The following MBD6 variants were observed in gnomAD, a reference collection of about 807,000 sequenced individuals.
MBD6 encodes the protein methyl-CpG binding domain protein 6.
MBD6 carries 22 observed loss-of-function variants against 66.8 expected under a neutral mutation model. That is an observed-to-expected ratio of 0.33 (90% CI 0.24 to 0.47). MBD6 has a LOEUF of 0.47. Among genes scored for constraint, MBD6 ranks in the 20% least tolerant of loss-of-function variants. The pLI, the probability that MBD6 is intolerant of heterozygous loss-of-function variation, is 1.00. For synonymous variants in MBD6, 540 were observed against 534.6 expected (o/e 1.01, Z -0.14); for missense variants, 1,322 against 1,286.9 (o/e 1.03, Z -0.42).
rs1198751915 is a variant in MBD6 at position 57,528,406 on chromosome 12, T to A, written c.2666T>A (p.Leu889Gln). The A allele has an allele frequency of 8.7e-6, 14 of 1,612,994 alleles. No homozygotes were observed. Among genetic ancestry groups the A allele is most frequent in the Non-Finnish European group, 1.2e-5 (14 of 1,179,900 alleles). Residue 889 changes from leucine to glutamine, a missense_variant, in exon 10 of 13, where the codon CTG (leucine) becomes CAG (glutamine). Coordinates refer to ENST00000355673, the MANE Select transcript of MBD6 (RefSeq NM_052897.4). ...KPGSRREPGRLALKWGTRGGF... is the reference protein window; with the variant it reads ...KPGSRREPGRQALKWGTRGGF... Reference sequence around the variant, plus strand: ...GGCAGCCGGCGGGAGCCTGGCCGACTGGCCCTCAAATGGGGGACACGTGGT... The same window carrying A: ...GGCAGCCGGCGGGAGCCTGGCCGACAGGCCCTCAAATGGGGGACACGTGGT...
At position 57,525,081 on chromosome 12, in the gene MBD6, C is replaced by T. The variant is rs1366122237; in HGVS notation, c.345C>T (p.Arg115=). The T allele has an allele frequency of 1.2e-6, 2 of 1,611,896 alleles. No homozygotes were observed. The highest frequency in any genetic ancestry group is 3.4e-5 in the Admixed American group (2 of 59,302). The change falls in exon 5 of 13, where the codon CGC becomes CGT. Residue 115 remains arginine (R), a synonymous_variant. Coordinates refer to ENST00000355673, the MANE Select transcript of MBD6 (RefSeq NM_052897.4). ...RKAVAMATLY[R]SMETTCSHSS... ...CTGTTGCTATGGCAACTCTGTACCG[C>T]AGCATGGAGACCACCTGCTCACACT...
In MBD6 at chr12:57,529,431, A is replaced by ACCC. The variant is rs1459762262; in HGVS notation, c.*202_*204dup. Reference sequence around the variant, plus strand: ...GCAGGGAAGTTCACCCCCCCCCACCACCCCCCCGCCCCCCCGAAGCCATGT... The same window carrying ACCC: ...GCAGGGAAGTTCACCCCCCCCCACCACCCCCCCCCCGCCCCCCCGAAGCCATGT... On this transcript the variant is annotated 3_prime_UTR_variant, in exon 13 of 13. Transcript: ENST00000355673. The ACCC allele has an allele frequency of 2.0e-5, 8 of 394,984 alleles. No individual in the cohort carries two copies. Among genetic ancestry groups the ACCC allele is most frequent in the Admixed American group, 8.3e-5 (2 of 23,966 alleles). 24.5% of individuals were successfully genotyped at this position (394,984 alleles called of 1,614,324 possible). A position where few individuals can be genotyped will look rare whatever the true frequency, so the allele number is the denominator to read the frequency against.
intron 7 of MBD6, 96 bp downstream of exon 7, chr12:57,527,323 C>A: frequency 9.0e-7 from 1 of 1,106,396 alleles, no homozygotes; most frequent in Non-Finnish European, 1.3e-6. Context: ...CTGAGCTCTT[C>A]CTTGGGGCCT....
chr12:57,528,675 G>A lies in MBD6; in HGVS notation c.2830G>A (p.Gly944Arg). ...PHSEDLKVPP[G>R]VVRKSRRGRR... ...GTCCATCTTTTCTCAGGTGCCCCCG[G>A]GAGTAGTCAGAAAGTCTCGTCGTGG... Residue 944 changes from glycine to arginine, a missense_variant, in exon 11 of 13, where the codon GGA becomes AGA. Physicochemically the swap from Gly to Arg is moderately radical, Grantham distance 125. Transcript: ENST00000355673. 6.2e-7 allele frequency: 1 copy of A among 1,614,136 alleles called. No homozygotes were observed. Among genetic ancestry groups the A allele is most frequent in the Non-Finnish European group, 8.5e-7 (1 of 1,180,022 alleles).
downstream of MBD6, chr12:57,530,576 G>C (rs1476283103): frequency 3.3e-6 from 3 of 911,902 alleles, no homozygotes; most frequent in South Asian, 4.8e-5. Context: ...CTTGCCCCCA[G>C]TGTCAAATGG....
chr12:57,528,162 C>T lies in MBD6; in HGVS notation c.2422C>T (p.Pro808Ser). ...LQSLQIPPEQPEAPCLPPESP... is the reference protein window; with the variant it reads ...LQSLQIPPEQSEAPCLPPESP... The stretch of plus-strand genomic sequence containing the variant: ...TTGCCAGCAGATCCCTCCAGAGCAG[C>T]CAGAAGCCCCCTGTCTACCCCCCGA... The change falls in exon 10 of 13, where the codon CCA becomes TCA. Residue 808 changes from proline to serine, a missense_variant. Coordinates refer to ENST00000355673, the MANE Select transcript of MBD6 (RefSeq NM_052897.4). The T allele has an allele frequency of 6.2e-7, 1 of 1,604,558 alleles. No homozygotes were observed. The highest frequency in any genetic ancestry group is 8.5e-7 in the Non-Finnish European group (1 of 1,176,968).
In MBD6 at chr12:57,527,829, G is replaced by T. The variant is rs758238626; in HGVS notation, c.2237-19G>T. 6.8e-6 allele frequency: 11 copies of T among 1,611,696 alleles called. No homozygotes were observed. The East Asian group carries it at 2.2e-4, about 33-fold the overall frequency. On this transcript the variant is annotated intron_variant, in intron 8 of 12. Transcript: ENST00000355673. ...TTGGTTTGCCTAGGGAGAGACCCCT[G>T]ACTATAATTTCTCAACAGGTGACCT... is the stretch of plus-strand genomic sequence containing the variant.
Position 57,524,766 on chromosome 12 carries a change from C to G in MBD6, c.160C>G (p.Leu54Val). ...LSSLEQTRSYLLSDGTCKCGL... is the reference protein window; with the variant it reads ...LSSLEQTRSYVLSDGTCKCGL... ...TTCCTTGGAGCAAACCCGGAGCTAC[C>G]TCCTCAGCGATGGGACCTGCAAGTG... Residue 54 changes from leucine (L) to valine (V), a missense_variant, in exon 4 of 13, where the codon CTC becomes GTC. Physicochemically the swap from Leu to Val is conservative, Grantham distance 32 (BLOSUM62 1). Transcript: ENST00000355673. 1 of 1,614,216 alleles carries G rather than the reference C, an allele frequency of 6.2e-7. No individual in the cohort carries two copies. Among genetic ancestry groups the G allele is most frequent in the East Asian group, 2.2e-5 (1 of 44,892 alleles).
upstream of MBD6, chr12:57,521,784 C>T (rs1288182078): frequency 4.6e-5 from 7 of 152,296 alleles, no homozygotes; most frequent in African/African-American, 1.7e-4. Context: ...CGGCACAGGC[C>T]TGCCTCCTAG....
chr12:57,526,912 A>G lies in MBD6; in HGVS notation c.1767A>G (p.Pro589=). ...GAGGACCTGGTCCTCCCCTAGCCCC[A>G]GGAGAGCCTGAAGGGCCTTCGCTTT... is the stretch of plus-strand genomic sequence containing the variant. ...PPGGPGPPLA[P]GEPEGPSLLV... is the part of the protein sequence containing the mutation. The change falls in exon 7 of 13, where the codon CCA becomes CCG. Residue 589 remains proline (P), a synonymous_variant. Transcript: ENST00000355673. 6.2e-7 allele frequency: 1 copy of G among 1,608,118 alleles called. No individual in the cohort carries two copies. Among genetic ancestry groups the G allele is most frequent in the Non-Finnish European group, 8.5e-7 (1 of 1,178,484 alleles).
intron 8 of MBD6, 23 bp from the exon 9 acceptor site, chr12:57,527,825 C>T (rs200254163): frequency 3.2e-5 from 51 of 1,610,898 alleles, no homozygotes; most frequent in Admixed American, 1.8e-4. Flanking sequence ...AGGGAGAGAC[C>T]CCTGACTATA....
In MBD6 at chr12:57,529,419, C is replaced by CT. The variant is rs1286872370; in HGVS notation, c.*185_*186insT. On this transcript the variant is annotated 3_prime_UTR_variant, in exon 13 of 13. Transcript: ENST00000355673. ...CCATTGCAGGGGGCAGGGAAGTTCA[C>CT]CCCCCCCCACCACCCCCCCGCCCCC... 8.1e-5 allele frequency: 28 copies of CT among 347,358 alleles called. No individual in the cohort carries two copies. The highest frequency in any genetic ancestry group is 1.3e-4 in the Non-Finnish European group (25 of 195,364). The allele number at this position is 347,358 out of a possible 1,614,324, so 21.5% of individuals were successfully genotyped here.
chr12:57,528,767 G>A (rs1879285002), intron 11 of MBD6, 49 bp downstream of exon 11: 9 of 1,612,214 alleles, frequency 5.6e-6, no homozygotes, highest in Admixed American at 1.7e-5. Context: ...CTTCTTTTTG[G>A]TTTGGACAGT....
intron 5 of MBD6, 49 bp from the exon 6 acceptor site, chr12:57,525,299 T>C: frequency 2.6e-6 from 4 of 1,529,128 alleles, no homozygotes; most frequent in Non-Finnish European, 3.5e-6. Context: ...ACAAAAGAGT[T>C]TTTGGAAGGG....
chr12:57,522,561 CG>C (rs577231876), upstream of MBD6, among the ~76,000 whole-genome samples: 3 of 98,692 alleles, frequency 3.0e-5, no homozygotes, highest in Non-Finnish European at 6.3e-5. Context: ...CCGCGGAGGG[CG>C]GGGGGGCCGC....
Position 57,527,118 on chromosome 12 carries a change from A to T in MBD6, c.1973A>T (p.Asp658Val). 1 of 1,579,010 alleles carries T rather than the reference A, an allele frequency of 6.3e-7. No individual in the cohort carries two copies. The highest frequency in any genetic ancestry group is 8.6e-7 in the Non-Finnish European group (1 of 1,160,892). The change falls in exon 7 of 13, where the codon GAC becomes GTC. Residue 658 changes from aspartate to valine, a missense_variant. Asp to Val is a radical substitution (Grantham distance 152). Transcript: ENST00000355673. The part of the protein sequence containing the change: ...PSGEPFSGLG[D>V]LSPLLFPPLS... The stretch of plus-strand genomic sequence containing the variant: ...GGGGAGCCATTTTCAGGCTTGGGAG[A>T]CCTGTCCCCCCTACTTTTCCCCCCA...
At chr12:57,524,519 C>T (rs1043173673) in intron 3 of MBD6, 103 bp downstream of exon 3, 5 of 1,141,172 alleles carry the variant, frequency 4.4e-6, no homozygotes, top group South Asian at 1.3e-5. Flanking sequence ...CGATTGCTCT[C>T]CTCTCTTCCC....
In MBD6 at chr12:57,528,259, C is replaced by A; in HGVS notation, c.2519C>A (p.Ser840Tyr). Residue 840 changes from serine to tyrosine, a missense_variant, in exon 10 of 13, where the codon TCT becomes TAT. Ser to Tyr is a moderately radical substitution (Grantham distance 144, BLOSUM62 -2). Transcript: ENST00000355673. ...PLSALAPPHG[S>Y]PDPPVPELLT... The stretch of plus-strand genomic sequence containing the variant: ...AGTGCCTTAGCCCCACCCCATGGTT[C>A]TCCCGACCCCCCAGTCCCTGAGCTG... The A allele has an allele frequency of 6.2e-7, 1 of 1,605,342 alleles. No individual in the cohort carries two copies. The highest frequency in any genetic ancestry group is 8.5e-7 in the Non-Finnish European group (1 of 1,175,910).
downstream of MBD6, among the ~76,000 whole-genome samples, chr12:57,531,510 C>CT (rs1196878214): frequency 1.4e-4 from 22 of 152,126 alleles, no homozygotes; most frequent in African/African-American, 1.9e-4. Flanking sequence ...GAGCGAGACT[C>CT]TGTCTTAAAA....
Sources: gnomAD v4.1 joint callset for allele counts (sites outside exome capture counted in the v4.1 genomes callset) on GRCh38, gnomAD v4.1.1 for gene constraint, MANE v1.5 for transcripts, NCBI Gene and HGNC (gene_info 2026-07-23, HGNC 2026-07-21) for gene names.